RBMS3: variants seen among roughly 807,000 people sequenced by gnomAD.
The protein encoded by RBMS3 is RNA binding motif single stranded interacting protein 3.
RBMS3 carries 27 observed loss-of-function variants against 66.8 expected under a neutral mutation model. That is an observed-to-expected ratio of 0.40 (90% confidence interval 0.30 to 0.56). The LOEUF is 0.56. Ranked by LOEUF, RBMS3 falls within the 20% of genes least tolerant of loss-of-function variation. The pLI, the probability that RBMS3 is intolerant of heterozygous loss-of-function variation, is 0.40. For synonymous variants in RBMS3, 188 were observed against 183.0 expected, an observed-to-expected ratio of 1.03 and a Z score of -0.22; for missense variants, 513 against 549.5, an observed-to-expected ratio of 0.93 and a Z score of 0.66.
At chr3:29,701,969 C>T (rs148160282) in intron 4 of RBMS3, among the ~76,000 whole-genome samples, 293 of 152,314 alleles carry the variant, frequency 1.9e-3, no homozygotes, top group African/African-American at 6.7e-3. Flanking sequence ...GCGGCCGTGG[C>T]GCGGGATCCA....
At chr3:29,761,914 A>G (rs938248889) in intron 5 of RBMS3, among the ~76,000 whole-genome samples, 8 of 152,128 alleles carry the variant, frequency 5.3e-5, no homozygotes, top group African/African-American at 1.7e-4. Context: ...TTTTGCCTCT[A>G]GTATACTCTT....
chr3:29,294,271 T>C (rs1392672963), intron 1 of RBMS3, among the ~76,000 whole-genome samples: 1 of 151,834 alleles, frequency 6.6e-6, no homozygotes, highest in Non-Finnish European at 1.5e-5. Context: ...AAAAGACATC[T>C]TTTTTACATG....
chr3:29,702,966 T>G (rs2052696669), intron 4 of RBMS3, among the ~76,000 whole-genome samples: 1 of 152,192 alleles, frequency 6.6e-6, no homozygotes, highest in Non-Finnish European at 1.5e-5. Context: ...AGCCCTAGAG[T>G]GGTTAATGAT....
intron 3 of RBMS3, among the ~76,000 whole-genome samples, chr3:29,577,193 A>G (rs2047149564): frequency 6.6e-6 from 1 of 152,072 alleles, no homozygotes; most frequent in Non-Finnish European, 1.5e-5. Context: ...GTTTCTACAA[A>G]TGTCATCTGA....
intron 4 of RBMS3, among the ~76,000 whole-genome samples, chr3:29,657,400 T>C (rs1183675060): frequency 6.6e-6 from 1 of 152,208 alleles, no homozygotes; most frequent in Non-Finnish European, 1.5e-5. Context: ...CTCCATATAC[T>C]AACTGCATTC....
chr3:29,532,241 T>C lies in RBMS3; in HGVS notation c.307+43742T>C, dbSNP rs868018677. Among the ~76,000 whole-genome samples, 166 of 76,898 alleles carry C rather than the reference T, an allele frequency of 2.2e-3. 1 individual carries two copies. Among genetic ancestry groups the C allele is most frequent in the African/African-American group, 0.012 (160 of 13,452 alleles). 50.4% of individuals were successfully genotyped at this position (76,898 alleles called of 152,430 possible). A position where few individuals can be genotyped will look rare whatever the true frequency, so the allele number is the denominator to read the frequency against. ...TTCAGTCTTATTTTAATTTCGCATATATATGTATATATATATATATGTATA... is the reference window on the plus strand; with the variant it reads ...TTCAGTCTTATTTTAATTTCGCATACATATGTATATATATATATATGTATA... On this transcript the variant is annotated intron_variant, in intron 3 of 14. Coordinates refer to ENST00000383767, the MANE Select transcript of RBMS3 (RefSeq NM_001003793.3).
intron 11 of RBMS3, among the ~76,000 whole-genome samples, chr3:29,938,272 T>G (rs772875082): frequency 6.6e-6 from 1 of 151,990 alleles, no homozygotes; most frequent in Non-Finnish European, 1.5e-5. Context: ...ACCATGACTT[T>G]TAGGCAGCTG....
chr3:29,406,751 A>G (rs757026342), intron 1 of RBMS3, among the ~76,000 whole-genome samples: 9 of 152,138 alleles, frequency 5.9e-5, no homozygotes, highest in Non-Finnish European at 1.2e-4. Flanking sequence ...TTATAGTTTA[A>G]TACTTTTTTT....
intron 1 of RBMS3, among the ~76,000 whole-genome samples, chr3:29,295,768 T>A (rs970399876): frequency 6.6e-6 from 1 of 151,768 alleles, no homozygotes; most frequent in African/African-American, 2.4e-5. Context: ...TAGGTGGACA[T>A]GCATTTTATT....
chr3:29,348,999 G>C (rs1409921511), intron 1 of RBMS3, among the ~76,000 whole-genome samples: 1 of 152,112 alleles, frequency 6.6e-6, no homozygotes, highest in Non-Finnish European at 1.5e-5. Context: ...AAAGTGAGAG[G>C]GTAGGGGAGG....
intron 6 of RBMS3, among the ~76,000 whole-genome samples, chr3:29,807,240 G>A (rs2057583162): frequency 6.6e-6 from 1 of 151,898 alleles, no homozygotes. Flanking sequence ...AAATGTCACT[G>A]TCTCACTAAC....
At chr3:29,352,931 T>A (rs981598780) in intron 1 of RBMS3, among the ~76,000 whole-genome samples, 1 of 151,970 alleles carries the variant, frequency 6.6e-6, no homozygotes, top group African/African-American at 2.4e-5. Flanking sequence ...TCATTCTTTT[T>A]TTTTTTATGG....
chr3:29,808,794 A>G (rs905663351), intron 6 of RBMS3, among the ~76,000 whole-genome samples: 2 of 151,940 alleles, frequency 1.3e-5, no homozygotes, highest in African/African-American at 4.8e-5. Flanking sequence ...AAGAATAGGA[A>G]AAGCCTTAGA....
intron 3 of RBMS3, among the ~76,000 whole-genome samples, chr3:29,524,415 ATTTTTTTTTTTT>A (rs1222102515): frequency 1.8e-4 from 10 of 57,108 alleles, no homozygotes; most frequent in East Asian, 1.3e-3. Context: ...CTCCCTTTAC[ATTTTTTTTTTTT>A]TTTTTTTTTT....
intron 6 of RBMS3, among the ~76,000 whole-genome samples, chr3:29,849,347 C>T (rs892223950): frequency 2.6e-5 from 4 of 151,918 alleles, no homozygotes; most frequent in African/African-American, 9.7e-5. Flanking sequence ...AACCCCATCT[C>T]TACTAAAAAT....
chr3:29,458,262 T>C (rs2042260336), intron 2 of RBMS3, among the ~76,000 whole-genome samples: 1 of 152,170 alleles, frequency 6.6e-6, no homozygotes, highest in South Asian at 2.1e-4. Flanking sequence ...AGATTTCTGA[T>C]GGAAAGAGAG....
intron 4 of RBMS3, among the ~76,000 whole-genome samples, chr3:29,730,182 T>C (rs2054070357): frequency 6.6e-6 from 1 of 152,042 alleles, no homozygotes; most frequent in Admixed American, 6.6e-5. Context: ...TTGTTGTTTA[T>C]CAAAAATTTA....
At chr3:29,438,960 G>C (rs2041505097) in intron 2 of RBMS3, among the ~76,000 whole-genome samples, 1 of 152,190 alleles carries the variant, frequency 6.6e-6, no homozygotes, top group Non-Finnish European at 1.5e-5. Context: ...AGGGCGATTA[G>C]CAAAGGTATC....
chr3:29,606,384 A>G (rs574031848), intron 4 of RBMS3, among the ~76,000 whole-genome samples: 3 of 152,064 alleles, frequency 2.0e-5, no homozygotes, highest in South Asian at 2.1e-4. Context: ...GATTTTACTG[A>G]CAAACATTTC....
Sources: gnomAD v4.1 joint callset for allele counts (sites outside exome capture counted in the v4.1 genomes callset) on GRCh38, gnomAD v4.1.1 for gene constraint, MANE v1.5 for transcripts, NCBI Gene and HGNC (gene_info 2026-07-23, HGNC 2026-07-21) for gene names.